The following DBH variants were observed in gnomAD, a reference collection of about 807,000 sequenced individuals.
DBH encodes dopamine beta-hydroxylase.
DBH carries 49 observed loss-of-function variants against 64.0 expected under a neutral mutation model. That is an observed-to-expected ratio of 0.77 (90% CI 0.61 to 0.97). The LOEUF (loss-of-function observed/expected upper bound fraction) is 0.97. DBH is among the 50% of genes least tolerant of loss of function. DBH has a pLI of 0.00. For missense variants in DBH, 828 were observed against 826.6 expected, an observed-to-expected ratio of 1.00 and a Z score of -0.02; for synonymous variants, 343 against 347.1, an observed-to-expected ratio of 0.99 and a Z score of 0.13.
At chr9:133,646,362 C>T (rs911200331) in intron 5 of DBH, among the ~76,000 whole-genome samples, 11 of 152,024 alleles carry the variant, frequency 7.2e-5, no homozygotes, top group Middle Eastern at 3.4e-3. Flanking sequence ...ACCATGCATC[C>T]GGGGGCATGG....
intron 6 of DBH, among the ~76,000 whole-genome samples, chr9:133,650,273 G>A (rs763469874): frequency 1.4e-4 from 22 of 152,130 alleles, no homozygotes; most frequent in Non-Finnish European, 2.6e-4. Context: ...TAAAAAGCTC[G>A]GCCATCTGGG....
Position 133,651,802 on chromosome 9 carries a change from C to A in DBH, c.1335+25C>A, listed in dbSNP as rs546316742. 3.9e-5 allele frequency: 55 copies of A among 1,411,000 alleles called. No homozygotes were observed. In the African/African-American group the frequency reaches 7.9e-4, roughly 20 times the overall value. 87.4% of individuals were successfully genotyped at this position (1,411,000 alleles called of 1,614,324 possible). On this transcript the variant is annotated intron_variant, in intron 7 of 11. Coordinates refer to ENST00000393056, the MANE Select transcript of DBH (RefSeq NM_000787.4). ...GGTAGGAACCTGCACCCCACCCCTG[C>A]CCCGCCCCCACACCCTGCCACCACA...
At position 133,640,059 on chromosome 9, in the gene DBH, A is replaced by G. The variant is rs1377585337; in HGVS notation, c.486+67A>G. ...TGTATCATGCTGCCATCCTGTGCCA[A>G]TGTCATAGTACCTTTCCTGTCCCTG... is the stretch of plus-strand genomic sequence containing the variant. On this transcript the variant is annotated intron_variant, in intron 2 of 11. Transcript: ENST00000393056. The G allele has an allele frequency of 3.2e-6, 5 of 1,586,918 alleles. No individual in the cohort carries two copies. In the East Asian group the frequency reaches 8.9e-5, roughly 28 times the overall value.
Position 133,639,931 on chromosome 9 carries a change from G to T in DBH, c.425G>T (p.Gly142Val), listed in dbSNP as rs757018725. ...CTGCAGGTGCAGAGGACCCCAGAAG[G>T]CCTGACCCTGCTTTTCAAGAGGCCC... ...QLLQVQRTPEGLTLLFKRPFG... is the reference protein window; with the variant it reads ...QLLQVQRTPEVLTLLFKRPFG... The change falls in exon 2 of 12, where the codon GGC becomes GTC. Residue 142 changes from glycine (G) to valine (V), a missense_variant. Physicochemically the swap from Gly to Val is moderately radical, Grantham distance 109 (BLOSUM62 -3). Coordinates refer to ENST00000393056, the MANE Select transcript of DBH (RefSeq NM_000787.4). 3.7e-6 allele frequency: 6 copies of T among 1,613,840 alleles called. No individual in the cohort carries two copies. Among genetic ancestry groups the T allele is most frequent in the South Asian group, 1.1e-5 (1 of 91,034 alleles).
Position 133,643,554 on chromosome 9 carries a change from C to A in DBH, c.886C>A (p.Arg296Ser). 6.2e-7 allele frequency: 1 copy of A among 1,613,614 alleles called. No homozygotes were observed. The highest frequency in any genetic ancestry group is 8.5e-7 in the Non-Finnish European group (1 of 1,179,954). The change falls in exon 4 of 12, where the codon CGC becomes AGC. Residue 296 changes from arginine to serine, a missense_variant. Transcript: ENST00000393056. This position sits in a 1 kb window ranked among gnomAD's most constrained non-coding sequence, Gnocchi z 5.3. The stretch of plus-strand genomic sequence containing the variant: ...GAAACCCGACCGCCTCAACTACTGC[C>A]GCCACGTGCTGGCCGCCTGGGCCCT... ...KMKPDRLNYC[R>S]HVLAAWALGA...
chr9:133,657,590 G>A (rs993795554), intron 11 of DBH, among the ~76,000 whole-genome samples: 2 of 152,146 alleles, frequency 1.3e-5, no homozygotes, highest in African/African-American at 4.8e-5. Context: ...CCTCCACACT[G>A]TACCGAATGC....
rs143996855 is a variant in DBH, at chr9:133,650,709, G to A, written c.1192-925G>A. 2.6e-3 allele frequency among the ~76,000 whole-genome samples: 397 copies of A among 151,478 alleles called. 2 individuals carry two copies. Among genetic ancestry groups the A allele is most frequent in the African/African-American group, 9.1e-3 (374 of 41,256 alleles). ...ATTACAGGCACGTGCCACCATGCCCGGCCAATTTTTGTATTTTTAGTAGAG... is the reference window on the plus strand; with the variant it reads ...ATTACAGGCACGTGCCACCATGCCCAGCCAATTTTTGTATTTTTAGTAGAG... On this transcript the variant is annotated intron_variant, in intron 6 of 11. Transcript: ENST00000393056.
In DBH at chr9:133,650,272, C is replaced by T. The variant is rs78106270; in HGVS notation, c.1192-1362C>T. ...GAGCAAAAGTGAGTCCTAAAAAGCT[C>T]GGCCATCTGGGACCTTCAGGGATGG... On this transcript the variant is annotated intron_variant, in intron 6 of 11. Transcript: ENST00000393056. Among the ~76,000 whole-genome samples the T allele has an allele frequency of 4.8e-3, 729 of 152,212 alleles. 24 individuals carry two copies. The East Asian group carries it at 0.079, about 17-fold the overall frequency.
In DBH at chr9:133,640,123, A is replaced by G. The variant is rs373221396; in HGVS notation, c.486+131A>G. On this transcript the variant is annotated intron_variant, in intron 2 of 11. Coordinates refer to ENST00000393056, the MANE Select transcript of DBH (RefSeq NM_000787.4). ...CTGGGCCTGGCCAGCTATGACAGAG[A>G]GAAAGCCAAGGAGGATGGCCAGAGG... 1.1e-5 allele frequency: 14 copies of G among 1,245,326 alleles called. No individual in the cohort carries two copies. The African/African-American group carries it at 1.9e-4, about 17-fold the overall frequency. The allele number at this position is 1,245,326 out of a possible 1,614,324, so 77.1% of individuals were successfully genotyped here. A position where few individuals can be genotyped will look rare whatever the true frequency, so the allele number is the denominator to read the frequency against.
In DBH at chr9:133,657,335, G is replaced by A. The variant is rs556358712; in HGVS notation, c.1722+106G>A. 1.6e-3 allele frequency: 2,266 copies of A among 1,398,102 alleles called. 1 individual carries two copies. The highest frequency in any genetic ancestry group is 2.0e-3 in the Non-Finnish European group (2,057 of 1,006,320). 86.6% of individuals were successfully genotyped at this position (1,398,102 alleles called of 1,614,324 possible). Reference sequence around the variant, plus strand: ...CTCCAAACTGCTGGCAAAAGCACTCGCACAAGACAATGAGAGCAAGTGCCA... The same window carrying A: ...CTCCAAACTGCTGGCAAAAGCACTCACACAAGACAATGAGAGCAAGTGCCA... On this transcript the variant is annotated intron_variant, in intron 11 of 11. Transcript: ENST00000393056.
chr9:133,642,109 C>T lies in DBH; in HGVS notation c.487-98C>T, dbSNP rs576308520. The T allele has an allele frequency of 2.0e-6, 3 of 1,517,952 alleles. No homozygotes were observed. In the East Asian group the frequency reaches 6.8e-5, roughly 34 times the overall value. 94.0% of individuals were successfully genotyped at this position (1,517,952 alleles called of 1,614,324 possible). The stretch of plus-strand genomic sequence containing the variant: ...ACAGAGATGAGAGTGAGGTGTGTCA[C>T]CTGGTAGGTGTGGGTGGGCAGGGAT... On this transcript the variant is annotated intron_variant, in intron 2 of 11. Coordinates refer to ENST00000393056, the MANE Select transcript of DBH (RefSeq NM_000787.4).
chr9:133,649,751 C>T (rs1832222578), intron 6 of DBH, among the ~76,000 whole-genome samples: 1 of 152,248 alleles, frequency 6.6e-6, no homozygotes, highest in Non-Finnish European at 1.5e-5. Flanking sequence ...GGCCAGGGCT[C>T]ATGGGGAAGA....
chr9:133,640,403 C>T (rs569111512), intron 2 of DBH, among the ~76,000 whole-genome samples: 1 of 150,902 alleles, frequency 6.6e-6, no homozygotes, highest in African/African-American at 2.5e-5. Context: ...CTGTGAGGCT[C>T]GGGACAACTG....
chr9:133,651,668 C>G lies in DBH; in HGVS notation c.1226C>G (p.Ser409Cys). The part of the protein sequence containing the change: ...LPPSGIHIFA[S>C]QLHTHLTGRK... ...CCCTCCGGGATCCACATCTTCGCCT[C>G]TCAGCTCCACACACACCTGACTGGG... Residue 409 changes from serine (S) to cysteine (C), a missense_variant, in exon 7 of 12, where the codon TCT (serine) becomes TGT (cysteine). Physicochemically the swap from Ser to Cys is moderately radical, Grantham distance 112. Coordinates refer to ENST00000393056, the MANE Select transcript of DBH (RefSeq NM_000787.4). 6.2e-7 allele frequency: 1 copy of G among 1,613,920 alleles called. No homozygotes were observed. The highest frequency in any genetic ancestry group is 8.5e-7 in the Non-Finnish European group (1 of 1,180,030).
At chr9:133,646,892 T>C (rs1341822149) in intron 5 of DBH, among the ~76,000 whole-genome samples, 1 of 152,152 alleles carries the variant, frequency 6.6e-6, no homozygotes, top group African/African-American at 2.4e-5. Context: ...TCAGGGACTC[T>C]CCAATTAGCA....
intron 6 of DBH, among the ~76,000 whole-genome samples, chr9:133,648,577 G>T (rs546538752): frequency 6.0e-4 from 91 of 152,350 alleles, no homozygotes; most frequent in East Asian, 1.9e-3. Context: ...TCCACAGGAT[G>T]GGGTTTTCAC....
chr9:133,656,773 G>T lies in DBH; in HGVS notation c.1562+123G>T, dbSNP rs888476237. On this transcript the variant is annotated intron_variant, in intron 10 of 11. Coordinates refer to ENST00000393056, the MANE Select transcript of DBH (RefSeq NM_000787.4). ...AGTTCTAGGAGCAGAGACCTGTGGC[G>T]GCATCACTCACCCCTCCCCTCACTC... 7.9e-6 allele frequency: 10 copies of T among 1,267,426 alleles called. No homozygotes were observed. In the East Asian group the frequency reaches 2.0e-4, roughly 25 times the overall value. 78.5% of individuals were successfully genotyped at this position (1,267,426 alleles called of 1,614,324 possible).
In DBH at chr9:133,639,916, A is replaced by G; in HGVS notation, c.410A>G (p.Gln137Arg). 6.2e-7 allele frequency: 1 copy of G among 1,613,682 alleles called. No individual in the cohort carries two copies. Among genetic ancestry groups the G allele is most frequent in the Non-Finnish European group, 8.5e-7 (1 of 1,179,940 alleles). The part of the protein sequence containing the change: ...PQQDYQLLQV[Q>R]RTPEGLTLLF... ...CAGGACTACCAGCTGCTGCAGGTGCAGAGGACCCCAGAAGGCCTGACCCTG... is the reference window on the plus strand; with the variant it reads ...CAGGACTACCAGCTGCTGCAGGTGCGGAGGACCCCAGAAGGCCTGACCCTG... Residue 137 changes from glutamine to arginine, a missense_variant, in exon 2 of 12, where the codon CAG becomes CGG. By Grantham distance (43) the Gln-to-Arg change is conservative. Transcript: ENST00000393056.
chr9:133,650,143 C>A (rs947729365), intron 6 of DBH, among the ~76,000 whole-genome samples: 1 of 152,170 alleles, frequency 6.6e-6, no homozygotes, highest in East Asian at 1.9e-4. Flanking sequence ...ACCCTTTGGG[C>A]TCCCAGGCCT....
Sources: allele counts gnomAD v4.1 joint callset (sites outside exome capture counted in the v4.1 genomes callset), GRCh38; gene constraint gnomAD v4.1.1; non-coding constraint Gnocchi (gnomAD v3.1); transcripts MANE v1.5; gene names NCBI Gene and HGNC (gene_info 2026-07-23, HGNC 2026-07-21).